The following RPS6KA2 variants were observed in gnomAD, a reference collection of about 807,000 sequenced individuals.
RPS6KA2 encodes ribosomal protein S6 kinase A2, also known as ribosomal protein S6 kinase alpha-2.
A neutral mutation model predicts 91.8 loss-of-function variants in RPS6KA2; 42 were observed. That is an observed-to-expected ratio of 0.46 (90% CI 0.36 to 0.59). The LOEUF (loss-of-function observed/expected upper bound fraction) is 0.59. Among genes scored for constraint, RPS6KA2 ranks in the 20% least tolerant of loss-of-function variants. The pLI, the probability that RPS6KA2 is intolerant of heterozygous loss-of-function variation, is 0.00. For synonymous variants in RPS6KA2, 414 were observed against 393.6 expected (o/e 1.05, Z -0.61); for missense variants, 798 against 978.5 (o/e 0.82, Z 2.46).
intron 4 of RPS6KA2, 35 bp downstream of exon 4, chr6:166,510,242 G>C (rs1300269578): frequency 7.6e-7 from 1 of 1,307,394 alleles, no homozygotes; most frequent in Non-Finnish European, 1.1e-6. Flanking sequence ...GGTTGCCCTG[G>C]GTCCTCTTTA....
chr6:166,596,217 G>A (rs1562331234), intron 1 of RPS6KA2, among the ~76,000 whole-genome samples: 1 of 152,144 alleles, frequency 6.6e-6, no homozygotes, highest in East Asian at 1.9e-4. Flanking sequence ...GAAGGAGGTC[G>A]GTTTGAGTTT....
chr6:166,751,086 G>A (rs189570456), intron 2 of RPS6KA2, among the ~76,000 whole-genome samples: 2 of 152,144 alleles, frequency 1.3e-5, no homozygotes, highest in African/African-American at 2.4e-5. Flanking sequence ...CAGTGCCCCC[G>A]AGCTGCAGGT....
intron 2 of RPS6KA2, chr6:166,702,064 C>A: frequency 8.1e-7 from 1 of 1,233,302 alleles, no homozygotes; most frequent in Non-Finnish European, 1.2e-6. Context: ...ACTTACAAGC[C>A]GCAGAGGTGC....
chr6:166,609,428 G>T (rs1424770385), intron 1 of RPS6KA2, among the ~76,000 whole-genome samples: 1 of 151,956 alleles, frequency 6.6e-6, no homozygotes. Context: ...AGCTACCATG[G>T]TGTATTGCAA....
At chr6:166,543,193 G>T (rs1783714852) in intron 1 of RPS6KA2, among the ~76,000 whole-genome samples, 1 of 152,130 alleles carries the variant, frequency 6.6e-6, no homozygotes, top group Admixed American at 6.5e-5. Context: ...TCATATAAAC[G>T]CTTAATGACA....
intron 2 of RPS6KA2, among the ~76,000 whole-genome samples, chr6:166,669,990 T>C (rs1180309569): frequency 1.3e-5 from 2 of 152,218 alleles, no homozygotes; most frequent in Non-Finnish European, 2.9e-5. Context: ...CTCCTCCCTC[T>C]TGCAGGTTCA....
chr6:166,470,403 C>A (rs539807252), intron 10 of RPS6KA2, among the ~76,000 whole-genome samples: 64 of 152,324 alleles, frequency 4.2e-4, no homozygotes, highest in Admixed American at 1.0e-3. Context: ...CAGAGCCCAG[C>A]CTCCTGCCCA....
intron 2 of RPS6KA2, among the ~76,000 whole-genome samples, chr6:166,738,900 C>G (rs978836418): frequency 6.6e-6 from 1 of 152,132 alleles, no homozygotes; most frequent in Non-Finnish European, 1.5e-5. Flanking sequence ...CATTCCCAAG[C>G]TTTACACAGC....
chr6:166,809,594 G>A (rs1779578316), intron 2 of RPS6KA2, among the ~76,000 whole-genome samples: 1 of 152,202 alleles, frequency 6.6e-6, no homozygotes, highest in Admixed American at 6.5e-5. Flanking sequence ...TAAAGAGATG[G>A]TTAAAGTCAT....
At chr6:166,430,985 C>T (rs544415999) in intron 15 of RPS6KA2, among the ~76,000 whole-genome samples, 3 of 152,092 alleles carry the variant, frequency 2.0e-5, no homozygotes, top group East Asian at 1.9e-4. Flanking sequence ...AGTGCAGTGG[C>T]GCCATCTCAG....
At chr6:166,848,220 C>A (rs1854239) in intron 2 of RPS6KA2, among the ~76,000 whole-genome samples, 1 of 152,032 alleles carries the variant, frequency 6.6e-6, no homozygotes, top group Admixed American at 6.5e-5. Flanking sequence ...TCATCTCACT[C>A]CTGCAATAAT....
chr6:166,485,980 C>A (rs774023051), intron 10 of RPS6KA2, among the ~76,000 whole-genome samples: 1 of 152,166 alleles, frequency 6.6e-6, no homozygotes, highest in African/African-American at 2.4e-5. Context: ...TTTCCTGAGC[C>A]GAGTCACTGT....
chr6:166,702,706 G>A, intron 2 of RPS6KA2: 1 of 1,329,438 alleles, frequency 7.5e-7, no homozygotes. Flanking sequence ...GATCTCGTCT[G>A]GGCAGTCCAC....
chr6:166,628,214 C>CT (rs1295649418), upstream of RPS6KA2, among the ~76,000 whole-genome samples: 2 of 151,432 alleles, frequency 1.3e-5, no homozygotes, highest in African/African-American at 4.9e-5. Flanking sequence ...ACACTTTTTT[C>CT]TTTTTTTTCC....
In RPS6KA2 at chr6:166,436,732, T is replaced by A. The variant is rs116454264; in HGVS notation, c.1333-4242A>T. Among the ~76,000 whole-genome samples the A allele has an allele frequency of 9.5e-3, 1,440 of 152,274 alleles. 14 individuals are homozygous for A. Among genetic ancestry groups the A allele is most frequent in the African/African-American group, 0.033 (1,371 of 41,564 alleles). On this transcript the variant is annotated intron_variant, in intron 14 of 20. Transcript: ENST00000265678. ...GCACAGGGCAGCGAGGAGGGTGGGT[T>A]TGCATGGGAAATGGCGCTCCCCGTC...
chr6:166,626,486 G>A lies in RPS6KA2; in HGVS notation c.99+435C>T, dbSNP rs1351088542. ...AAGGTGGAACCTGCCGGCCGGGCAC[G>A]GCAGACAGCACCTGATCAGCGCCTC... On this transcript the variant is annotated intron_variant, in intron 1 of 20. Coordinates refer to ENST00000265678, the MANE Select transcript of RPS6KA2 (RefSeq NM_021135.6). The surrounding 1 kb of genome is among the most constrained non-coding windows in gnomAD (Gnocchi z 4.1). Among the ~76,000 whole-genome samples, 1 of 152,224 alleles carries A rather than the reference G, an allele frequency of 6.6e-6. No homozygotes were observed. The highest frequency in any genetic ancestry group is 1.5e-5 in the Non-Finnish European group (1 of 68,040).
chr6:166,427,104 T>C (rs1195614159), intron 16 of RPS6KA2, among the ~76,000 whole-genome samples: 1 of 152,236 alleles, frequency 6.6e-6, no homozygotes, highest in Non-Finnish European at 1.5e-5. Flanking sequence ...TTATCCACCA[T>C]GATCAAGTGG....
chr6:166,785,606 G>A (rs1778908407), intron 2 of RPS6KA2, among the ~76,000 whole-genome samples: 1 of 152,210 alleles, frequency 6.6e-6, no homozygotes, highest in South Asian at 2.1e-4. Flanking sequence ...CATGAACACC[G>A]TTTTTCAGCT....
At chr6:166,796,078 C>A (rs1779214933) in intron 2 of RPS6KA2, among the ~76,000 whole-genome samples, 1 of 152,142 alleles carries the variant, frequency 6.6e-6, no homozygotes, top group South Asian at 2.1e-4. Flanking sequence ...CAGAGCTTTT[C>A]TTATCTGATG....
Sources: allele counts gnomAD v4.1 joint callset (sites outside exome capture counted in the v4.1 genomes callset), GRCh38; gene constraint gnomAD v4.1.1; non-coding constraint Gnocchi (gnomAD v3.1); transcripts MANE v1.5; gene names NCBI Gene and HGNC (gene_info 2026-07-23, HGNC 2026-07-21).